Variants in UNK observed in about 807,000 individuals in gnomAD.
UNK encodes unk zinc finger.
UNK carries 32 observed loss-of-function variants against 97.6 expected under a neutral mutation model. The ratio of observed to expected loss-of-function variants is 0.33; its 90% CI spans 0.25 to 0.44. UNK has a LOEUF of 0.44. Ranked by LOEUF, UNK falls within the 20% of genes least tolerant of loss-of-function variation. The pLI is 1.00. For missense variants in UNK, 771 were observed against 1,098.4 expected, an observed-to-expected ratio of 0.70 and a Z score of 4.21; for synonymous variants, 441 against 461.2, an observed-to-expected ratio of 0.96 and a Z score of 0.56.
chr17:75,800,913 G>GT (rs143021761), intron 1 of UNK, among the ~76,000 whole-genome samples: 1,752 of 150,534 alleles, frequency 0.012, 22 homozygotes, highest in Middle Eastern at 0.031. Flanking sequence ...CACATTTTTT[G>GT]TTTTTTTTGA....
intron 1 of UNK, 30 bp from the exon 2 acceptor site, chr17:75,809,730 G>A: frequency 6.4e-7 from 1 of 1,572,442 alleles, no homozygotes; most frequent in Non-Finnish European, 8.6e-7. Context: ...CTCTGCTCCC[G>A]GCCTGCCCCA....
At chr17:75,786,874 A>G (rs1164368534) in intron 1 of UNK, among the ~76,000 whole-genome samples, 1 of 152,152 alleles carries the variant, frequency 6.6e-6, no homozygotes. Flanking sequence ...CAGAAACAAA[A>G]ACAAAAAAAA....
chr17:75,813,067 C>A lies in UNK; in HGVS notation c.623-11C>A. ...TCTCACCTGACCCCTGCCCTCTGGC[C>A]CCCTGTGCAGAGACTGCTTATGTGC... is the stretch of plus-strand genomic sequence containing the variant. On this transcript the variant is annotated splice_polypyrimidine_tract_variant and intron_variant, in intron 4 of 15. Transcript: ENST00000589666. The A allele has an allele frequency of 6.3e-7, 1 of 1,581,814 alleles. No homozygotes were observed. The highest frequency in any genetic ancestry group is 8.6e-7 in the Non-Finnish European group (1 of 1,163,632).
rs1398259161 is a variant in UNK at position 75,818,520 on chromosome 17, G to A, written c.1372-122G>A. 6.7e-6 allele frequency: 8 copies of A among 1,198,198 alleles called. No homozygotes were observed. Among genetic ancestry groups the A allele is most frequent in the Non-Finnish European group, 9.1e-6 (8 of 877,034 alleles). 74.2% of individuals were successfully genotyped at this position (1,198,198 alleles called of 1,614,324 possible). A position where few individuals can be genotyped will look rare whatever the true frequency, so the allele number is the denominator to read the frequency against. The stretch of plus-strand genomic sequence containing the variant: ...GTGTGCCGGGGCCCATGTGGGCATG[G>A]GGGCACCCGGACTAGAGCTAGCACG... On this transcript the variant is annotated intron_variant, in intron 10 of 15. Transcript: ENST00000589666. This position sits in a 1 kb window ranked among gnomAD's most constrained non-coding sequence, Gnocchi z 5.1.
In UNK at chr17:75,816,958, G is replaced by T; in HGVS notation, c.1104+46G>T. On this transcript the variant is annotated intron_variant, in intron 8 of 15. Transcript: ENST00000589666. This position sits in a 1 kb window ranked among gnomAD's most constrained non-coding sequence, Gnocchi z 4.0. ...GTGGGTGGGCACCATGCCTGACAGA[G>T]CCAATACTTGCCTCCTAGGCCCTTT... The T allele has an allele frequency of 6.4e-7, 1 of 1,562,912 alleles. No homozygotes were observed. Among genetic ancestry groups the T allele is most frequent in the African/African-American group, 1.3e-5 (1 of 74,282 alleles).
In UNK at chr17:75,824,215, TG is replaced by T; in HGVS notation, c.2278-43del. 1 of 1,527,776 alleles carries T rather than the reference TG, an allele frequency of 6.5e-7. No individual in the cohort carries two copies. The allele number at this position is 1,527,776 out of a possible 1,614,324, so 94.6% of individuals were successfully genotyped here. A position where few individuals can be genotyped will look rare whatever the true frequency, so the allele number is the denominator to read the frequency against. ...GATCAAGGGAACTCCTCGCTCAACTTGGGGCCAGACCCATGGATGGTGACCA... is the reference window on the plus strand; with the variant it reads ...GATCAAGGGAACTCCTCGCTCAACTTGGGCCAGACCCATGGATGGTGACCA... On this transcript the variant is annotated intron_variant, in intron 15 of 15. Coordinates refer to ENST00000589666, the MANE Select transcript of UNK (RefSeq NM_001080419.3). This position sits in a 1 kb window ranked among gnomAD's most constrained non-coding sequence, Gnocchi z 4.9.
At chr17:75,785,168 G>A in intron 1 of UNK, 184 bp downstream of exon 1, 2 of 520,936 alleles carry the variant, frequency 3.8e-6, no homozygotes, top group Non-Finnish European at 6.7e-6. Flanking sequence ...ACCAACCTCT[G>A]GTCGGGCTGT....
chr17:75,824,549 T>C lies in UNK; in HGVS notation c.*132T>C. The C allele has an allele frequency of 5.7e-6, 4 of 700,190 alleles. No individual in the cohort carries two copies. Among genetic ancestry groups the C allele is most frequent in the Non-Finnish European group, 5.6e-6 (3 of 537,738 alleles). The allele number at this position is 700,190 out of a possible 1,614,324, so 43.4% of individuals were successfully genotyped here. A position where few individuals can be genotyped will look rare whatever the true frequency, so the allele number is the denominator to read the frequency against. On this transcript the variant is annotated 3_prime_UTR_variant, in exon 16 of 16. Transcript: ENST00000589666. This position sits in a 1 kb window ranked among gnomAD's most constrained non-coding sequence, Gnocchi z 4.9. ...GTATATGATTATGTATATGTATACA[T>C]TTCCGTATGTATGTATATGTATACA... is the stretch of plus-strand genomic sequence containing the variant.
rs779238155 is a variant in UNK, at chr17:75,823,290, C to T, written c.2045C>T (p.Ala682Val). 16 of 1,605,560 alleles carry T rather than the reference C, an allele frequency of 1.0e-5. No homozygotes were observed. The highest frequency in any genetic ancestry group is 1.3e-5 in the African/African-American group (1 of 74,882). Residue 682 changes from alanine (A) to valine (V), a missense_variant, in exon 15 of 16, where the codon GCG becomes GTG. Around this residue, in one of 5 missense-constraint regions of UNK, gnomAD observed 208 missense variants for 257.4 expected, o/e 0.81. Coordinates refer to ENST00000589666, the MANE Select transcript of UNK (RefSeq NM_001080419.3). ...GCTTGTGATGCCTGGAAGAAAGAGG[C>T]GGAGGAGGCTGGTGAGCGGGCCAGT... Reference protein sequence around the residue: ...KQACDAWKKEAEEAGERASAA... With the variant: ...KQACDAWKKEVEEAGERASAA...
rs2062097355 is a variant in UNK, at chr17:75,824,251, T to C, written c.2278-11T>C. 1 of 1,579,908 alleles carries C rather than the reference T, an allele frequency of 6.3e-7. No homozygotes were observed. The highest frequency in any genetic ancestry group is 8.6e-7 in the Non-Finnish European group (1 of 1,161,750). On this transcript the variant is annotated splice_polypyrimidine_tract_variant and intron_variant, in intron 15 of 15. Transcript: ENST00000589666. The surrounding 1 kb of genome is among the most constrained non-coding windows in gnomAD (Gnocchi z 4.9). The stretch of plus-strand genomic sequence containing the variant: ...CCATGGATGGTGACCACGATGCCCC[T>C]TTCCCTGCAGGCCGTGTTCCACATG...
At chr17:75,786,317 C>T (rs1306142641) in intron 1 of UNK, among the ~76,000 whole-genome samples, 1 of 152,112 alleles carries the variant, frequency 6.6e-6, no homozygotes, top group Admixed American at 6.6e-5. Context: ...GGAAACTTCA[C>T]GTAATTGGAA....
rs2062017395 is a variant in UNK at position 75,816,526 on chromosome 17, T to C, written c.962-244T>C. The stretch of plus-strand genomic sequence containing the variant: ...CCTCTCTGAGCCTCAGTTTTCTTAT[T>C]TATAAAATGGAGACCATATTACTGG... On this transcript the variant is annotated intron_variant, in intron 7 of 15. Coordinates refer to ENST00000589666, the MANE Select transcript of UNK (RefSeq NM_001080419.3). The surrounding 1 kb of genome is among the most constrained non-coding windows in gnomAD (Gnocchi z 4.0). Among the ~76,000 whole-genome samples the C allele has an allele frequency of 6.6e-6, 1 of 152,200 alleles. No individual in the cohort carries two copies. Among genetic ancestry groups the C allele is most frequent in the Admixed American group, 6.5e-5 (1 of 15,286 alleles).
chr17:75,808,329 G>A (rs906882904), intron 1 of UNK, among the ~76,000 whole-genome samples: 14 of 152,176 alleles, frequency 9.2e-5, no homozygotes, highest in African/African-American at 3.1e-4. Context: ...CCATAGGGAG[G>A]CTTCCAGATT....
chr17:75,787,439 C>G (rs772620201), intron 1 of UNK, among the ~76,000 whole-genome samples: 1 of 151,318 alleles, frequency 6.6e-6, no homozygotes, highest in Admixed American at 6.6e-5. Context: ...CTCCTGTGAT[C>G]GAGCAGGCGC....
At chr17:75,821,297 T>C (rs956770909) in intron 13 of UNK, 1 of 439,502 alleles carries the variant, frequency 2.3e-6, no homozygotes, top group Non-Finnish European at 4.6e-6. Context: ...ACAGGTGTAT[T>C]GATACAGGTG....
At chr17:75,813,921 G>T in intron 6 of UNK, 43 bp downstream of exon 6, 1 of 1,511,846 alleles carries the variant, frequency 6.6e-7, no homozygotes. Flanking sequence ...TGGGAAGTAA[G>T]GAGAGAGGCA....
Position 75,818,666 on chromosome 17 carries a change from G to C in UNK, c.1396G>C (p.Gly466Arg), listed in dbSNP as rs1411832098. Residue 466 changes from glycine to arginine, a missense_variant, in exon 11 of 16, where the codon GGC becomes CGC. By Grantham distance (125) the Gly-to-Arg change is moderately radical. Transcript: ENST00000589666. This position sits in a 1 kb window ranked among gnomAD's most constrained non-coding sequence, Gnocchi z 5.1. ...KQDMLGILPA[G>R]SPLTSSISSS... ...GGACATGCTGGGCATCCTCCCCGCA[G>C]GCAGCCCCCTGACCTCAAGCATCTC... The C allele has an allele frequency of 6.2e-7, 1 of 1,600,354 alleles. No individual in the cohort carries two copies. The highest frequency in any genetic ancestry group is 1.3e-5 in the African/African-American group (1 of 74,542).
chr17:75,824,278 AGTCG>A lies in UNK; in HGVS notation c.2297_2300del (p.Ser766Ter). 1 of 1,601,018 alleles carries A rather than the reference AGTCG, an allele frequency of 6.2e-7. No homozygotes were observed. Among genetic ancestry groups the A allele is most frequent in the Non-Finnish European group, 8.5e-7 (1 of 1,174,062 alleles). On this transcript the variant is annotated frameshift_variant, in exon 16 of 16. Transcript: ENST00000589666. LOFTEE classifies it high-confidence loss of function. This position sits in a 1 kb window ranked among gnomAD's most constrained non-coding sequence, Gnocchi z 4.9. ...TCCCTGCAGGCCGTGTTCCACATGC[AGTCG>A]GTGAAATGCCTTAAGTGTCAGGAAC...
In UNK at chr17:75,824,979, TG is replaced by T. The variant is rs1324938997; in HGVS notation, c.*563del. ...CCCCAGAGCAGGCCTGGCCCCCAGCTGTGAGGGCCTCAGGGAGGCCCGAGGG... is the reference window on the plus strand; with the variant it reads ...CCCCAGAGCAGGCCTGGCCCCCAGCTTGAGGGCCTCAGGGAGGCCCGAGGG... On this transcript the variant is annotated 3_prime_UTR_variant, in exon 16 of 16. Transcript: ENST00000589666. This position sits in a 1 kb window ranked among gnomAD's most constrained non-coding sequence, Gnocchi z 4.9. The T allele has an allele frequency of 6.6e-6, 1 of 152,140 alleles. No individual in the cohort carries two copies. Among genetic ancestry groups the T allele is most frequent in the Non-Finnish European group, 1.5e-5 (1 of 67,988 alleles). 9.4% of individuals were successfully genotyped at this position (152,140 alleles called of 1,614,324 possible).
Sources: gnomAD v4.1 joint callset for allele counts (sites outside exome capture counted in the v4.1 genomes callset) on GRCh38, gnomAD v4.1.1 for gene constraint, gnomAD v4.1.1 regional missense constraint, Gnocchi (gnomAD v3.1) non-coding constraint, MANE v1.5 for transcripts, NCBI Gene and HGNC (gene_info 2026-07-23, HGNC 2026-07-21) for gene names.